Variants in NT5DC1 observed in about 807,000 individuals in gnomAD.
The protein encoded by NT5DC1 is 5'-nucleotidase domain-containing protein 1.
In NT5DC1, 42 loss-of-function variants were observed where a neutral mutation model predicts 59.4. The ratio of observed to expected loss-of-function variants is 0.71; its 90% CI spans 0.55 to 0.92. NT5DC1 has a LOEUF of 0.92. NT5DC1 is among the 40% of genes least tolerant of loss of function. The pLI is 0.00. For missense variants in NT5DC1, 501 were observed against 537.1 expected, an observed-to-expected ratio of 0.93 and a Z score of 0.66; for synonymous variants, 172 against 188.1, an observed-to-expected ratio of 0.91 and a Z score of 0.70.
intron 8 of NT5DC1, 47 bp from the exon 9 acceptor site, chr6:116,236,919 A>C: frequency 8.3e-7 from 1 of 1,202,096 alleles, no homozygotes; most frequent in South Asian, 1.2e-5. Context: ...CCAACTGGCT[A>C]CTCTCACTTG....
At chr6:116,181,137 G>A (rs1037017144) in intron 6 of NT5DC1, among the ~76,000 whole-genome samples, 2 of 151,854 alleles carry the variant, frequency 1.3e-5, no homozygotes, top group Admixed American at 6.6e-5. Flanking sequence ...TATTGAAGTC[G>A]AGTGATGAGT....
chr6:116,216,219 A>G (rs1007406401), intron 6 of NT5DC1, among the ~76,000 whole-genome samples: 1 of 152,298 alleles, frequency 6.6e-6, no homozygotes, highest in East Asian at 1.9e-4. Context: ...TTAGGTAATA[A>G]AGATACTATA....
intron 6 of NT5DC1, among the ~76,000 whole-genome samples, chr6:116,148,372 T>C (rs929554332): frequency 4.6e-5 from 7 of 152,230 alleles, no homozygotes; most frequent in African/African-American, 1.7e-4. Context: ...GCATTTGTTT[T>C]CATTGCAATT....
At position 116,245,343 on chromosome 6, in the gene NT5DC1, G is replaced by C. The variant is rs1425116030; in HGVS notation, c.*1319G>C. ...ACACTATCATTATTTTACCTGGATTGAAGTGCAGAATTTGGCATATCGATG... is the reference window on the plus strand; with the variant it reads ...ACACTATCATTATTTTACCTGGATTCAAGTGCAGAATTTGGCATATCGATG... On this transcript the variant is annotated 3_prime_UTR_variant, in exon 12 of 12. Coordinates refer to ENST00000319550, the MANE Select transcript of NT5DC1 (RefSeq NM_152729.3). 1.3e-5 allele frequency: 2 copies of C among 152,550 alleles called. No individual in the cohort carries two copies. Among genetic ancestry groups the C allele is most frequent in the Non-Finnish European group, 2.9e-5 (2 of 68,018 alleles). 9.4% of individuals were successfully genotyped at this position (152,550 alleles called of 1,614,324 possible).
intron 6 of NT5DC1, among the ~76,000 whole-genome samples, chr6:116,155,470 G>A (rs950838331): frequency 3.9e-5 from 6 of 151,996 alleles, no homozygotes; most frequent in Non-Finnish European, 8.8e-5. Context: ...GCCTAAAATC[G>A]TATTTTAAGA....
intron 6 of NT5DC1, among the ~76,000 whole-genome samples, chr6:116,137,781 A>G (rs1779649121): frequency 6.6e-6 from 1 of 152,172 alleles, no homozygotes; most frequent in Non-Finnish European, 1.5e-5. Flanking sequence ...GTGAGAATCT[A>G]TTAGAAAATG....
intron 6 of NT5DC1, among the ~76,000 whole-genome samples, chr6:116,136,155 T>C (rs1337289514): frequency 6.6e-6 from 1 of 152,074 alleles, no homozygotes; most frequent in African/African-American, 2.4e-5. Flanking sequence ...TTTTGACTTT[T>C]TTAGGTTACA....
intron 6 of NT5DC1, among the ~76,000 whole-genome samples, chr6:116,183,586 T>G (rs987200488): frequency 6.6e-6 from 1 of 152,036 alleles, no homozygotes; most frequent in African/African-American, 2.4e-5. Flanking sequence ...TTTTGTAGTT[T>G]TCCTTGTAGA....
chr6:116,165,494 C>G (rs1780443366), intron 6 of NT5DC1, among the ~76,000 whole-genome samples: 1 of 152,218 alleles, frequency 6.6e-6, no homozygotes, highest in Admixed American at 6.5e-5. Flanking sequence ...TTGGTGACTT[C>G]ACATAGTCCT....
At chr6:116,182,138 T>G (rs1016752266) in intron 6 of NT5DC1, among the ~76,000 whole-genome samples, 1 of 152,000 alleles carries the variant, frequency 6.6e-6, no homozygotes, top group Non-Finnish European at 1.5e-5. Context: ...CTGAGTTACT[T>G]CACCTAGAAC....
rs1779071766 is a variant in NT5DC1 at position 116,120,246 on chromosome 6, T to A, written c.529+2301T>A. 2.5e-6 allele frequency: 4 copies of A among 1,614,178 alleles called. No individual in the cohort carries two copies. The South Asian group carries it at 3.3e-5, about 13-fold the overall frequency. On this transcript the variant is annotated intron_variant, in intron 6 of 11. Transcript: ENST00000319550. ...TAGCCTTTGGTGTATTCATCATAGG[T>A]GTACATTACAGGGGTGCCATTCTTA...
intron 11 of NT5DC1, among the ~76,000 whole-genome samples, chr6:116,241,055 A>C (rs1367424968): frequency 6.6e-6 from 1 of 151,834 alleles, no homozygotes; most frequent in East Asian, 1.9e-4. Flanking sequence ...GAGGCAGGAG[A>C]ATTGCTTGAA....
chr6:116,121,451 C>A lies in NT5DC1; in HGVS notation c.529+3506C>A. 6.2e-7 allele frequency: 1 copy of A among 1,614,110 alleles called. No individual in the cohort carries two copies. The highest frequency in any genetic ancestry group is 1.3e-5 in the African/African-American group (1 of 75,024). On this transcript the variant is annotated intron_variant, in intron 6 of 11. Coordinates refer to ENST00000319550, the MANE Select transcript of NT5DC1 (RefSeq NM_152729.3). ...CTGTCCTGGAACCCCATTTTCACCTCTTTTTCCCACTCCAGGAGGGCCAGA... is the reference window on the plus strand; with the variant it reads ...CTGTCCTGGAACCCCATTTTCACCTATTTTTCCCACTCCAGGAGGGCCAGA...
chr6:116,106,110 G>T lies in NT5DC1; in HGVS notation c.94-134G>T, dbSNP rs1778761926. On this transcript the variant is annotated intron_variant, in intron 1 of 11. Transcript: ENST00000319550. ...GCTTGTGAAGGAGAATTATACTGCA[G>T]AACTTCACAATTACAGATATTTCCT... 20 of 689,262 alleles carry T rather than the reference G, an allele frequency of 2.9e-5. 1 individual carries two copies. In the South Asian group the frequency reaches 3.2e-4, roughly 11 times the overall value. 42.7% of individuals were successfully genotyped at this position (689,262 alleles called of 1,614,324 possible).
At chr6:116,113,139 CA>C (rs1305014595) in intron 4 of NT5DC1, among the ~76,000 whole-genome samples, 1 of 152,204 alleles carries the variant, frequency 6.6e-6, no homozygotes, top group Non-Finnish European at 1.5e-5. Flanking sequence ...GTGGAAATCA[CA>C]AGGGGCTTAG....
At chr6:116,102,054 A>T (rs1388298251) in intron 1 of NT5DC1, among the ~76,000 whole-genome samples, 1 of 152,256 alleles carries the variant, frequency 6.6e-6, no homozygotes, top group Non-Finnish European at 1.5e-5. Flanking sequence ...TGTTGCAAGG[A>T]TTAAATGAGT....
chr6:116,234,603 A>G (rs1782081538), intron 8 of NT5DC1, among the ~76,000 whole-genome samples: 1 of 152,162 alleles, frequency 6.6e-6, no homozygotes, highest in East Asian at 1.9e-4. Flanking sequence ...AGACTCCCAA[A>G]GTGTTGGGAT....
chr6:116,145,243 A>G lies in NT5DC1; in HGVS notation c.529+27298A>G, dbSNP rs543798690. 5.3e-5 allele frequency among the ~76,000 whole-genome samples: 8 copies of G among 152,182 alleles called. No individual in the cohort carries two copies. In the East Asian group the frequency reaches 5.8e-4, roughly 11 times the overall value. On this transcript the variant is annotated intron_variant, in intron 6 of 11. Transcript: ENST00000319550. ...GCTAACTATTAAATGTCCCCAAAAGAATTTGTTTAGAAAGGTGTGATATGA... is the reference window on the plus strand; with the variant it reads ...GCTAACTATTAAATGTCCCCAAAAGGATTTGTTTAGAAAGGTGTGATATGA...
intron 7 of NT5DC1, 70 bp downstream of exon 7, chr6:116,221,298 T>A (rs900946590): frequency 9.9e-6 from 9 of 908,826 alleles, no homozygotes; most frequent in East Asian, 2.4e-5. Context: ...AGGGCTTTTT[T>A]AAAAGTGTCA....
Sources: allele counts gnomAD v4.1 joint callset (sites outside exome capture counted in the v4.1 genomes callset), GRCh38; gene constraint gnomAD v4.1.1; transcripts MANE v1.5; gene names NCBI Gene and HGNC (gene_info 2026-07-23, HGNC 2026-07-21).